Variants in TCF24 observed in about 807,000 individuals in gnomAD.
TCF24 encodes transcription factor 24.
TCF24 carries 5 observed loss-of-function variants against 9.3 expected under a neutral mutation model. The ratio of observed to expected loss-of-function variants is 0.54; its 90% CI spans 0.28 to 1.13. TCF24 has a LOEUF of 1.13. Among genes scored for constraint, TCF24 ranks in the 50% most tolerant of loss-of-function variants. The pLI, the probability that TCF24 is intolerant of heterozygous loss-of-function variation, is 0.09. For missense variants in TCF24, 220 were observed against 236.1 expected, an observed-to-expected ratio of 0.93 and a Z score of 0.45; for synonymous variants, 110 against 115.8, an observed-to-expected ratio of 0.95 and a Z score of 0.32.
intron 3 of TCF24, among the ~76,000 whole-genome samples, chr8:66,960,437 T>TGC (rs1336101032): frequency 2.6e-5 from 4 of 152,126 alleles, no homozygotes; most frequent in Middle Eastern, 3.4e-3. Context: ...TGTGTGTGTG[T>TGC]GCGCGCGTGT....
At chr8:66,954,474 G>A (rs1814116531) in intron 3 of TCF24, among the ~76,000 whole-genome samples, 2 of 152,282 alleles carry the variant, frequency 1.3e-5, no homozygotes, top group African/African-American at 2.4e-5. Context: ...GCTGCGTGCT[G>A]GGAGAACCAC....
chr8:66,953,701 G>A (rs1261528865), intron 3 of TCF24, among the ~76,000 whole-genome samples: 1 of 152,104 alleles, frequency 6.6e-6, no homozygotes, highest in East Asian at 1.9e-4. Context: ...TTTCCAACTT[G>A]GTTCCATTCT....
chr8:66,948,580 A>C (rs1020736345), intron 3 of TCF24, among the ~76,000 whole-genome samples: 2 of 152,240 alleles, frequency 1.3e-5, no homozygotes, highest in African/African-American at 2.4e-5. Flanking sequence ...TGCTGAAGTG[A>C]GCACTATATT....
Position 66,948,054 on chromosome 8 carries a change from A to G in TCF24, c.501T>C (p.Pro167=), listed in dbSNP as rs192742504. ...CCAGCCCCCACCAGGGGAGAGCCTA[A>G]GGCTGTGAGTCTGTTGGAGTGTTGT... ...NHDNTPTDSQ[P] The change falls in exon 4 of 4, where the codon CCT becomes CCC. Residue 167 remains proline (P), a synonymous_variant. Coordinates refer to ENST00000563496, the MANE Select transcript of TCF24 (RefSeq NM_001193502.2). 6.5e-7 allele frequency: 1 copy of G among 1,529,474 alleles called. No homozygotes were observed. The highest frequency in any genetic ancestry group is 1.4e-5 in the African/African-American group (1 of 73,022). The allele number at this position is 1,529,474 out of a possible 1,614,324, so 94.7% of individuals were successfully genotyped here.
At chr8:66,949,938 C>T (rs1356177432) in intron 3 of TCF24, among the ~76,000 whole-genome samples, 1 of 144,148 alleles carries the variant, frequency 6.9e-6, no homozygotes, top group African/African-American at 2.6e-5. Flanking sequence ...CCTTCGCCCA[C>T]TTTTTGATGG....
At chr8:66,950,437 G>C (rs1433467169) in intron 3 of TCF24, among the ~76,000 whole-genome samples, 1 of 152,088 alleles carries the variant, frequency 6.6e-6, no homozygotes, top group African/African-American at 2.4e-5. Flanking sequence ...ATTTCTGAGG[G>C]CTCTGTTCTG....
intron 3 of TCF24, among the ~76,000 whole-genome samples, chr8:66,959,493 T>G (rs1194079789): frequency 1.3e-5 from 2 of 152,238 alleles, no homozygotes; most frequent in African/African-American, 4.8e-5. Context: ...TTCAATTATG[T>G]ACATAACATC....
intron 3 of TCF24, among the ~76,000 whole-genome samples, chr8:66,955,356 G>T (rs1385803507): frequency 3.4e-5 from 5 of 145,970 alleles, no homozygotes; most frequent in Non-Finnish European, 7.5e-5. Flanking sequence ...TACTACTTTT[G>T]TTTTTTTTTA....
chr8:66,948,303 A>G, intron 3 of TCF24, 139 bp from the exon 4 acceptor site: 1 of 555,970 alleles, frequency 1.8e-6, no homozygotes, highest in Non-Finnish European at 2.8e-6. Flanking sequence ...AGTATGAAGT[A>G]TAAGAAACAA....
rs1350383327 is a variant in TCF24 at position 66,961,880 on chromosome 8, C to T, written c.-27G>A. The T allele has an allele frequency of 6.6e-6, 6 of 915,414 alleles. No individual in the cohort carries two copies. Among genetic ancestry groups the T allele is most frequent in the Non-Finnish European group, 7.9e-6 (6 of 761,904 alleles). The allele number at this position is 915,414 out of a possible 1,614,324, so 56.7% of individuals were successfully genotyped here. A position where few individuals can be genotyped will look rare whatever the true frequency, so the allele number is the denominator to read the frequency against. ...CTGGTTCTCCCCGTGCGCCCACCAG[C>T]AGCCCAACGGGGCTAAGGGCGCTCT... On this transcript the variant is annotated 5_prime_UTR_variant, in exon 2 of 4. Transcript: ENST00000563496.
chr8:66,956,926 C>T (rs1049466450), intron 3 of TCF24, among the ~76,000 whole-genome samples: 8 of 151,498 alleles, frequency 5.3e-5, no homozygotes, highest in Admixed American at 1.3e-4. Context: ...AGAATCGGGC[C>T]GGGGGCAGTG....
rs984905321 is a variant in TCF24 at position 66,947,465 on chromosome 8, AC to A, written c.*585del. ...TGCAAACACTGTAAGATACAGAATA[AC>A]CCTCTAGGAAGGTGACCAAGCCCTG... is the stretch of plus-strand genomic sequence containing the variant. On this transcript the variant is annotated 3_prime_UTR_variant, in exon 4 of 4. Transcript: ENST00000563496. 1.3e-5 allele frequency: 2 copies of A among 152,200 alleles called. No homozygotes were observed. Among genetic ancestry groups the A allele is most frequent in the African/African-American group, 4.8e-5 (2 of 41,442 alleles). 9.4% of individuals were successfully genotyped at this position (152,200 alleles called of 1,614,324 possible). A position where few individuals can be genotyped will look rare whatever the true frequency, so the allele number is the denominator to read the frequency against.
chr8:66,955,562 A>T (rs1814140601), intron 3 of TCF24, among the ~76,000 whole-genome samples: 1 of 152,206 alleles, frequency 6.6e-6, no homozygotes, highest in Admixed American at 6.5e-5. Context: ...CACAGTGCTC[A>T]AATAGAGGTA....
Position 66,961,498 on chromosome 8 carries a change from C to T in TCF24, c.268G>A (p.Val90Met), listed in dbSNP as rs929042759. ...PPDTKLSKLD[V>M]LLLATTYIAH... Reference sequence around the variant, plus strand: ...ATGTAGGTGGTGGCCAGCAGCAGCACGTCCAGCTTGGACAGCTTGGTGTCG... The same window carrying T: ...ATGTAGGTGGTGGCCAGCAGCAGCATGTCCAGCTTGGACAGCTTGGTGTCG... Residue 90 changes from valine to methionine, a missense_variant, in exon 3 of 4, where the codon GTG (valine) becomes ATG (methionine). Physicochemically the swap from Val to Met is conservative, Grantham distance 21. Coordinates refer to ENST00000563496, the MANE Select transcript of TCF24 (RefSeq NM_001193502.2). The T allele has an allele frequency of 2.1e-5, 32 of 1,526,970 alleles. No homozygotes were observed. Among genetic ancestry groups the T allele is most frequent in the Non-Finnish European group, 2.7e-5 (31 of 1,143,646 alleles). 94.6% of individuals were successfully genotyped at this position (1,526,970 alleles called of 1,614,324 possible).
rs1352850264 is a variant in TCF24 at position 66,946,522 on chromosome 8, A to C, written c.*1529T>G. The C allele has an allele frequency of 5.3e-5, 8 of 152,298 alleles. No individual in the cohort carries two copies. The East Asian group carries it at 1.3e-3, about 26-fold the overall frequency. 9.4% of individuals were successfully genotyped at this position (152,298 alleles called of 1,614,324 possible). On this transcript the variant is annotated 3_prime_UTR_variant, in exon 4 of 4. Coordinates refer to ENST00000563496, the MANE Select transcript of TCF24 (RefSeq NM_001193502.2). ...AGACTAATTTTCAAATTAGTACTTT[A>C]TTTTTATAATACCTCTTATCATGAC... is the stretch of plus-strand genomic sequence containing the variant.
intron 3 of TCF24, among the ~76,000 whole-genome samples, chr8:66,948,890 A>T (rs1350338837): frequency 6.6e-6 from 1 of 151,990 alleles, no homozygotes; most frequent in East Asian, 1.9e-4. Flanking sequence ...GAGACAGGGT[A>T]TTACCACGCT....
intron 3 of TCF24, among the ~76,000 whole-genome samples, chr8:66,956,616 G>C (rs544895954): frequency 1.2e-4 from 19 of 152,298 alleles, no homozygotes; most frequent in African/African-American, 4.3e-4. Flanking sequence ...GCCCGCCTCA[G>C]CCTTCCAAAG....
intron 3 of TCF24, 150 bp from the exon 4 acceptor site, chr8:66,948,314 C>T (rs936486369): frequency 9.5e-6 from 5 of 527,714 alleles, no homozygotes; most frequent in East Asian, 3.4e-5. Context: ...TAAGAAACAA[C>T]AAGAAAAAAT....
intron 3 of TCF24, among the ~76,000 whole-genome samples, chr8:66,957,648 A>C (rs1814181666): frequency 6.6e-6 from 1 of 152,114 alleles, no homozygotes; most frequent in African/African-American, 2.4e-5. Context: ...TAATACATAT[A>C]GTGAATAGTG....
Sources: gnomAD v4.1 joint callset for allele counts (sites outside exome capture counted in the v4.1 genomes callset) on GRCh38, gnomAD v4.1.1 for gene constraint, MANE v1.5 for transcripts, NCBI Gene and HGNC (gene_info 2026-07-23, HGNC 2026-07-21) for gene names.